KIAA1217: variants seen among roughly 807,000 people sequenced by gnomAD.
KIAA1217 encodes sickle tail protein homolog.
A neutral mutation model predicts 163.9 loss-of-function variants in KIAA1217; 88 were observed. The ratio of observed to expected loss-of-function variants is 0.54; its 90% CI spans 0.45 to 0.64. KIAA1217 has a LOEUF of 0.64. Among genes scored for constraint, KIAA1217 ranks in the 30% least tolerant of loss-of-function variants. The pLI, the probability that KIAA1217 is intolerant of heterozygous loss-of-function variation, is 0.00. For missense variants in KIAA1217, 2,372 were observed against 2,475.0 expected (o/e 0.96, Z 0.88); for synonymous variants, 903 against 923.1 (o/e 0.98, Z 0.39).
At chr10:24,016,793 C>T (rs1336092402) in intron 2 of KIAA1217, among the ~76,000 whole-genome samples, 1 of 151,890 alleles carries the variant, frequency 6.6e-6, no homozygotes, top group African/African-American at 2.4e-5. Flanking sequence ...CAACCTCATA[C>T]ATTTATTTTA....
intron 2 of KIAA1217, among the ~76,000 whole-genome samples, chr10:24,101,314 A>G (rs796186553): frequency 1.5e-4 from 23 of 152,280 alleles, no homozygotes; most frequent in African/African-American, 5.5e-4. Context: ...CCTAATGGTT[A>G]TTAGTGGAGT....
At chr10:24,017,118 G>T (rs574650182) in intron 2 of KIAA1217, among the ~76,000 whole-genome samples, 3 of 149,400 alleles carry the variant, frequency 2.0e-5, no homozygotes, top group Non-Finnish European at 4.4e-5. Context: ...CAGTGGCACA[G>T]CATAGGTCAC....
In KIAA1217 at chr10:24,263,865, A is replaced by AT. The variant is rs1343282539; in HGVS notation, c.354+43965dup. 5.9e-4 allele frequency among the ~76,000 whole-genome samples: 89 copies of AT among 150,582 alleles called. No homozygotes were observed. The East Asian group carries it at 6.8e-3, about 12-fold the overall frequency. On this transcript the variant is annotated intron_variant, in intron 2 of 20. Transcript: ENST00000376454. ...ATCAGTCATACATTCTATCTTTTTT[A>AT]TTTTTTTTTGAGACAGAATCTCGCT... is the stretch of plus-strand genomic sequence containing the variant.
chr10:23,934,625 A>ATATT (rs1554826424), intron 1 of KIAA1217, among the ~76,000 whole-genome samples: 5 of 68,546 alleles, frequency 7.3e-5, no homozygotes, highest in African/African-American at 2.8e-4. Context: ...ATATATATAT[A>ATATT]TTTTTTTTTT....
chr10:24,513,528 C>T (rs1237164858), intron 10 of KIAA1217, 94 bp downstream of exon 10: 3 of 1,252,696 alleles, frequency 2.4e-6, no homozygotes, highest in South Asian at 1.4e-5. Context: ...GTGGTCTTGC[C>T]CTCTCTTTAT....
intron 2 of KIAA1217, among the ~76,000 whole-genome samples, chr10:24,198,524 G>A (rs2067095281): frequency 6.6e-6 from 1 of 150,932 alleles, no homozygotes; most frequent in Non-Finnish European, 1.5e-5. Flanking sequence ...CAGGAGAATT[G>A]CTTGAACCCG....
At chr10:24,198,577 T>TA (rs1480649081) in intron 2 of KIAA1217, among the ~76,000 whole-genome samples, 2 of 146,510 alleles carry the variant, frequency 1.4e-5, no homozygotes, top group Admixed American at 6.8e-5. Context: ...CCACTGCTCT[T>TA]ATCTCGAAAA....
intron 1 of KIAA1217, among the ~76,000 whole-genome samples, chr10:23,856,139 G>T (rs142438080): frequency 0.01 from 1,558 of 152,270 alleles, 14 homozygotes; most frequent in Non-Finnish European, 0.016. Flanking sequence ...CATCTATGTG[G>T]TTTTATCTGC....
In KIAA1217 at chr10:24,544,383, C is replaced by T. The variant is rs2075453976; in HGVS notation, c.5113C>T (p.His1705Tyr). ...SNRDSVASSSHIAQEASPRPL... is the reference protein window; with the variant it reads ...SNRDSVASSSYIAQEASPRPL... ...CAGAGATTCTGTTGCAAGTTCATCCCACATAGCCCAAGAGGCCTCTCCCCG... is the reference window on the plus strand; with the variant it reads ...CAGAGATTCTGTTGCAAGTTCATCCTACATAGCCCAAGAGGCCTCTCCCCG... Residue 1705 changes from histidine to tyrosine, a missense_variant, in exon 19 of 21, where the codon CAC becomes TAC. By Grantham distance (83) the His-to-Tyr change is moderately conservative. Around this residue, in one of 3 missense-constraint regions of KIAA1217, gnomAD observed 690 missense variants for 677.5 expected, o/e 1.02. Transcript: ENST00000376454. The T allele has an allele frequency of 1.9e-6, 3 of 1,614,058 alleles. No homozygotes were observed. Among genetic ancestry groups the T allele is most frequent in the Non-Finnish European group, 1.7e-6 (2 of 1,180,006 alleles).
intron 2 of KIAA1217, among the ~76,000 whole-genome samples, chr10:24,195,233 T>C (rs2066929725): frequency 1.3e-5 from 2 of 152,160 alleles, no homozygotes; most frequent in South Asian, 4.1e-4. Flanking sequence ...CAAAACCCTG[T>C]CCAGTCCCAT....
chr10:23,988,052 T>TA (rs1340387682), intron 1 of KIAA1217, among the ~76,000 whole-genome samples: 160 of 145,240 alleles, frequency 1.1e-3, no homozygotes, highest in African/African-American at 2.4e-3. Context: ...TTATTTTTTT[T>TA]TAAAAAGCAG....
chr10:24,251,192 C>T (rs556074299), intron 2 of KIAA1217, among the ~76,000 whole-genome samples: 1 of 152,114 alleles, frequency 6.6e-6, no homozygotes, highest in Non-Finnish European at 1.5e-5. Context: ...CACCACTGCA[C>T]TCCAGCCTGG....
At chr10:24,044,789 T>G (rs116251913) in intron 2 of KIAA1217, among the ~76,000 whole-genome samples, 345 of 152,276 alleles carry the variant, frequency 2.3e-3, no homozygotes, top group African/African-American at 7.6e-3. Context: ...CTAAATCATT[T>G]TCTCTTACAG....
intron 1 of KIAA1217, among the ~76,000 whole-genome samples, chr10:23,894,267 C>A (rs1326525359): frequency 4.0e-5 from 6 of 151,472 alleles, no homozygotes; most frequent in South Asian, 2.1e-4. Flanking sequence ...AAATCTCCTT[C>A]AGCTGATAAG....
At chr10:24,202,017 C>T (rs767335877) in intron 2 of KIAA1217, among the ~76,000 whole-genome samples, 1 of 152,182 alleles carries the variant, frequency 6.6e-6, no homozygotes, top group Non-Finnish European at 1.5e-5. Context: ...GCAGGCGGCC[C>T]AGCCCCGGGT....
chr10:23,728,505 TG>T (rs953981160), intron 1 of KIAA1217, among the ~76,000 whole-genome samples: 5 of 136,378 alleles, frequency 3.7e-5, no homozygotes, highest in African/African-American at 1.6e-4. Flanking sequence ...CACTTTTTGA[TG>T]GTTTTTTTTT....
chr10:23,916,387 G>A (rs1017313495), intron 1 of KIAA1217, among the ~76,000 whole-genome samples: 3 of 152,084 alleles, frequency 2.0e-5, no homozygotes, highest in African/African-American at 7.2e-5. Flanking sequence ...TTCACAGCCC[G>A]GCTCAGTTGG....
intron 5 of KIAA1217, among the ~76,000 whole-genome samples, chr10:24,457,334 G>C (rs1419296142): frequency 2.6e-5 from 4 of 151,714 alleles, no homozygotes; most frequent in Non-Finnish European, 4.4e-5. Flanking sequence ...CTTTTTGTTT[G>C]TTTTTTGTTT....
intron 3 of KIAA1217, among the ~76,000 whole-genome samples, chr10:24,413,789 A>G (rs1161427613): frequency 1.3e-5 from 2 of 152,212 alleles, no homozygotes; most frequent in Non-Finnish European, 2.9e-5. Flanking sequence ...TCACATCAGC[A>G]GGATGTGCAA....
Sources: gnomAD v4.1 joint callset for allele counts (sites outside exome capture counted in the v4.1 genomes callset) on GRCh38, gnomAD v4.1.1 for gene constraint, gnomAD v4.1.1 regional missense constraint, MANE v1.5 for transcripts, NCBI Gene and HGNC (gene_info 2026-07-23, HGNC 2026-07-21) for gene names.